STK10: variants seen among roughly 807,000 people sequenced by gnomAD.
The protein encoded by STK10 is serine/threonine kinase 10, also known as serine/threonine-protein kinase 10.
In STK10, 78 loss-of-function variants were observed where a neutral mutation model predicts 113.8. That is an observed-to-expected ratio of 0.69 (90% CI 0.57 to 0.83). STK10 has a LOEUF of 0.83. STK10 is among the 40% of genes least tolerant of loss of function. STK10 has a pLI of 0.00. For synonymous variants in STK10, 465 were observed against 494.7 expected, an observed-to-expected ratio of 0.94 and a Z score of 0.80; for missense variants, 1,109 against 1,280.1, an observed-to-expected ratio of 0.87 and a Z score of 2.04.
chr5:172,138,224 C>T (rs1471724208), intron 2 of STK10, among the ~76,000 whole-genome samples: 1 of 152,162 alleles, frequency 6.6e-6, no homozygotes, highest in African/African-American at 2.4e-5. Context: ...CGGGTTCAAG[C>T]AATTCTCCTG....
Position 172,187,503 on chromosome 5 carries a change from A to G in STK10, c.156+384T>C, listed in dbSNP as rs1770972998. On this transcript the variant is annotated intron_variant, in intron 1 of 18. Coordinates refer to ENST00000176763, the MANE Select transcript of STK10 (RefSeq NM_005990.4). The surrounding 1 kb of genome is among the most constrained non-coding windows in gnomAD (Gnocchi z 4.6). ...GCATCTGTGGTCTCTCTTAAAAAAA[A>G]AAGTGTGCCCGTATCGCCGTTTTAC... 6.6e-6 allele frequency among the ~76,000 whole-genome samples: 1 copy of G among 152,112 alleles called. No individual in the cohort carries two copies. The highest frequency in any genetic ancestry group is 2.4e-5 in the African/African-American group (1 of 41,410).
intron 3 of STK10, among the ~76,000 whole-genome samples, chr5:172,121,032 CTT>C (rs113620151): frequency 1.3e-4 from 18 of 138,716 alleles, no homozygotes; most frequent in Admixed American, 5.0e-4. Context: ...GGTTTCTTTC[CTT>C]TTTTTTTTTT....
chr5:172,107,796 T>C lies in STK10; in HGVS notation c.577A>G (p.Ile193Val). 2 of 1,614,172 alleles carry C rather than the reference T, an allele frequency of 1.2e-6. No homozygotes were observed. Among genetic ancestry groups the C allele is most frequent in the Non-Finnish European group, 1.7e-6 (2 of 1,180,022 alleles). Reference protein sequence around the residue: ...LKTLQKRDSFIGTPYWMAPEV... With the variant: ...LKTLQKRDSFVGTPYWMAPEV... ...ACGACTCACCAGTAAGGCGTGCCGA[T>C]GAAGGAATCTCGTTTCTGTAGAGTC... The change falls in exon 5 of 19, where the codon ATC becomes GTC. Residue 193 changes from isoleucine to valine, a missense_variant. This residue lies in a region of STK10 where 44 missense variants were observed against 84.4 expected (regional missense o/e 0.52). Coordinates refer to ENST00000176763, the MANE Select transcript of STK10 (RefSeq NM_005990.4).
At chr5:172,178,522 C>G (rs1770797653) in intron 1 of STK10, among the ~76,000 whole-genome samples, 1 of 152,190 alleles carries the variant, frequency 6.6e-6, no homozygotes, top group African/African-American at 2.4e-5. Context: ...CCTTCTTATC[C>G]TGAGCACCTA....
At chr5:172,050,085 G>A (rs1581129484) in intron 18 of STK10, among the ~76,000 whole-genome samples, 1 of 152,232 alleles carries the variant, frequency 6.6e-6, no homozygotes, top group African/African-American at 2.4e-5. Context: ...TTACAGGTGT[G>A]AGCCACCATG....
In STK10 at chr5:172,042,137, C is replaced by A. The variant is rs186038277; in HGVS notation, c.*2745G>T. ...TTCTTGTAGTTAACTTTCCAGAGAA[C>A]ATTTTACAAAAATTTTGTATAAAGT... On this transcript the variant is annotated 3_prime_UTR_variant, in exon 19 of 19. Coordinates refer to ENST00000176763, the MANE Select transcript of STK10 (RefSeq NM_005990.4). 6.6e-6 allele frequency: 1 copy of A among 152,656 alleles called. No individual in the cohort carries two copies. Among genetic ancestry groups the A allele is most frequent in the East Asian group, 1.9e-4 (1 of 5,178 alleles). The allele number at this position is 152,656 out of a possible 1,614,324, so 9.5% of individuals were successfully genotyped here.
At position 172,056,380 on chromosome 5, in the gene STK10, C is replaced by T. The variant is rs1025324028; in HGVS notation, c.2338-604G>A. ...AGGCTGAACTGAGACAGACAATTCC[C>T]GCAGGAGAGGGTGCTTTGGCCACAC... is the stretch of plus-strand genomic sequence containing the variant. On this transcript the variant is annotated intron_variant, in intron 15 of 18. Coordinates refer to ENST00000176763, the MANE Select transcript of STK10 (RefSeq NM_005990.4). Among the ~76,000 whole-genome samples the T allele has an allele frequency of 5.9e-5, 9 of 152,290 alleles. No homozygotes were observed. The South Asian group carries it at 6.2e-4, about 11-fold the overall frequency.
intron 4 of STK10, among the ~76,000 whole-genome samples, chr5:172,113,143 GTTTT>G (rs908713113): frequency 6.6e-5 from 10 of 152,270 alleles, no homozygotes; most frequent in African/African-American, 2.2e-4. Context: ...GGTTTTGTGG[GTTTT>G]TTTGTTTTTT....
chr5:172,187,315 A>C lies in STK10; in HGVS notation c.156+572T>G, dbSNP rs73802406. The stretch of plus-strand genomic sequence containing the variant: ...CACCAGATCCTGACCTCCCCCTCTG[A>C]CCAGCCCCAACCCACCTTTCCAAGC... On this transcript the variant is annotated intron_variant, in intron 1 of 18. Transcript: ENST00000176763. This position sits in a 1 kb window ranked among gnomAD's most constrained non-coding sequence, Gnocchi z 4.6. 0.082 allele frequency among the ~76,000 whole-genome samples: 12,456 copies of C among 151,580 alleles called. 1,656 individuals carry two copies. Among genetic ancestry groups the C allele is most frequent in the African/African-American group, 0.28 (11,486 of 41,164 alleles).
chr5:172,153,627 T>C (rs1394148011), intron 2 of STK10, among the ~76,000 whole-genome samples: 1 of 152,224 alleles, frequency 6.6e-6, no homozygotes, highest in South Asian at 2.1e-4. Context: ...CCAAAGTCCC[T>C]GAGAGCAGAC....
chr5:172,053,655 T>C (rs1767681476), intron 17 of STK10, among the ~76,000 whole-genome samples: 1 of 152,202 alleles, frequency 6.6e-6, no homozygotes, highest in Non-Finnish European at 1.5e-5. Context: ...ATCAGTCTTG[T>C]CATGAGGAGC....
intron 1 of STK10, among the ~76,000 whole-genome samples, chr5:172,172,929 G>A (rs113391819): frequency 0.24 from 36,720 of 151,776 alleles, 4,790 homozygotes; most frequent in African/African-American, 0.33. Flanking sequence ...GCAGTGAGTC[G>A]AGATCGCGTC....
At chr5:172,103,494 G>A (rs1344006481) in intron 7 of STK10, among the ~76,000 whole-genome samples, 1 of 152,098 alleles carries the variant, frequency 6.6e-6, no homozygotes, top group Non-Finnish European at 1.5e-5. Context: ...GGAATGTCCT[G>A]GAGGCCGGAT....
At chr5:172,062,904 C>G (rs1296300431) in intron 13 of STK10, among the ~76,000 whole-genome samples, 1 of 152,214 alleles carries the variant, frequency 6.6e-6, no homozygotes, top group African/African-American at 2.4e-5. Context: ...TATGTTATGA[C>G]TATTTTACCA....
chr5:172,143,944 G>A (rs1770029320), intron 2 of STK10, among the ~76,000 whole-genome samples: 2 of 152,238 alleles, frequency 1.3e-5, no homozygotes, highest in South Asian at 4.1e-4. Flanking sequence ...AGAGATGACA[G>A]CCAGATTGTG....
chr5:172,130,057 T>C (rs531225149), intron 2 of STK10, among the ~76,000 whole-genome samples: 4 of 152,338 alleles, frequency 2.6e-5, no homozygotes, highest in South Asian at 4.1e-4. Flanking sequence ...TGCCATTCTA[T>C]TGAATCCTTC....
At chr5:172,106,401 C>CAAAAAAAAAAAA (rs368671444) in intron 6 of STK10, among the ~76,000 whole-genome samples, 9 of 53,440 alleles carry the variant, frequency 1.7e-4, no homozygotes, top group African/African-American at 2.2e-4. Flanking sequence ...GACCCTATCT[C>CAAAAAAAAAAAA]AAAAAAAAAA....
At chr5:172,173,423 C>A (rs971176831) in intron 1 of STK10, among the ~76,000 whole-genome samples, 1 of 152,200 alleles carries the variant, frequency 6.6e-6, no homozygotes, top group African/African-American at 2.4e-5. Context: ...GGCTCCCAGA[C>A]AAGACTGTGT....
At chr5:172,068,475 A>G (rs1414602123) in intron 12 of STK10, among the ~76,000 whole-genome samples, 1 of 152,246 alleles carries the variant, frequency 6.6e-6, no homozygotes, top group East Asian at 1.9e-4. Flanking sequence ...GAAGTTCTTC[A>G]GGTTGAAAAG....
Sources: allele counts gnomAD v4.1 joint callset (sites outside exome capture counted in the v4.1 genomes callset), GRCh38; gene constraint gnomAD v4.1.1; regional missense constraint gnomAD v4.1.1; non-coding constraint Gnocchi (gnomAD v3.1); transcripts MANE v1.5; gene names NCBI Gene and HGNC (gene_info 2026-07-23, HGNC 2026-07-21).